Variants in PHF20L1 observed in about 807,000 individuals in gnomAD.
The protein encoded by PHF20L1 is PHD finger protein 20-like protein 1.
Under a neutral mutation model 125.5 loss-of-function variants are expected in PHF20L1, and 44 were observed. The ratio of observed to expected loss-of-function variants is 0.35; its 90% CI spans 0.28 to 0.45. PHF20L1 has a LOEUF of 0.45. Ranked by LOEUF, PHF20L1 falls within the 20% of genes least tolerant of loss-of-function variation. The pLI, the probability that PHF20L1 is intolerant of heterozygous loss-of-function variation, is 1.00. For missense variants in PHF20L1, 1,012 were observed against 1,217.2 expected, an observed-to-expected ratio of 0.83 and a Z score of 2.51; for synonymous variants, 380 against 403.1, an observed-to-expected ratio of 0.94 and a Z score of 0.69.
chr8:132,777,368 A>T (rs1309311549), intron 1 of PHF20L1, among the ~76,000 whole-genome samples: 1 of 152,148 alleles, frequency 6.6e-6, no homozygotes, highest in African/African-American at 2.4e-5. Flanking sequence ...GTTGAAATTA[A>T]AAATTGATTT....
intron 8 of PHF20L1, chr8:132,810,170 G>C (rs1004825272): frequency 6.6e-6 from 1 of 151,188 alleles, no homozygotes; most frequent in Non-Finnish European, 1.5e-5. Flanking sequence ...TCAGCCTCCC[G>C]AGTAGCTTGG....
In PHF20L1 at chr8:132,825,374, A is replaced by G. The variant is rs777414931; in HGVS notation, c.1744+3A>G. ...GAAAAAGAAATCTAAGCAACATGGT[A>G]AGTACACTGAGATGATTATTCCCTC... is the stretch of plus-strand genomic sequence containing the variant. On this transcript the variant is annotated splice_donor_region_variant and intron_variant, in intron 14 of 20. Coordinates refer to ENST00000395386, the MANE Select transcript of PHF20L1 (RefSeq NM_016018.5). 2 of 1,487,612 alleles carry G rather than the reference A, an allele frequency of 1.3e-6. No homozygotes were observed. Among genetic ancestry groups the G allele is most frequent in the Non-Finnish European group, 1.8e-6 (2 of 1,112,856 alleles). 92.2% of individuals were successfully genotyped at this position (1,487,612 alleles called of 1,614,324 possible). A position where few individuals can be genotyped will look rare whatever the true frequency, so the allele number is the denominator to read the frequency against.
intron 6 of PHF20L1, 47 bp from the exon 7 acceptor site, chr8:132,803,772 T>A (rs1563805925): frequency 3.0e-6 from 3 of 1,012,360 alleles, no homozygotes; most frequent in Middle Eastern, 2.1e-4. Flanking sequence ...TAATTACATT[T>A]TAATTAATTT....
In PHF20L1 at chr8:132,791,599, C is replaced by T. The variant is rs537481139; in HGVS notation, c.84-2811C>T. Among the ~76,000 whole-genome samples the T allele has an allele frequency of 5.9e-5, 9 of 152,138 alleles. No individual in the cohort carries two copies. The South Asian group carries it at 1.9e-3, about 32-fold the overall frequency. On this transcript the variant is annotated intron_variant, in intron 2 of 20. Coordinates refer to ENST00000395386, the MANE Select transcript of PHF20L1 (RefSeq NM_016018.5). ...ATGTACCAATAGTGCCTAGCAAGTGCCTTAGTCTTCTTGGATGTTCAAATA... is the reference window on the plus strand; with the variant it reads ...ATGTACCAATAGTGCCTAGCAAGTGTCTTAGTCTTCTTGGATGTTCAAATA...
chr8:132,785,347 G>A (rs1028279036), intron 2 of PHF20L1, among the ~76,000 whole-genome samples: 4 of 152,148 alleles, frequency 2.6e-5, no homozygotes, highest in Admixed American at 2.6e-4. Context: ...CTACTAAAAA[G>A]AATGTTTTGC....
In PHF20L1 at chr8:132,845,926, A is replaced by G. The variant is rs1202540589; in HGVS notation, c.*3A>G. The G allele has an allele frequency of 1.9e-6, 3 of 1,607,692 alleles. No homozygotes were observed. Among genetic ancestry groups the G allele is most frequent in the Non-Finnish European group, 1.7e-6 (2 of 1,175,560 alleles). Reference sequence around the variant, plus strand: ...TAGCAACTCTTTGCTCTGTATGACAACAGTGAACACTTAATGAAAGAATGT... The same window carrying G: ...TAGCAACTCTTTGCTCTGTATGACAGCAGTGAACACTTAATGAAAGAATGT... On this transcript the variant is annotated 3_prime_UTR_variant, in exon 21 of 21. Transcript: ENST00000395386.
intron 16 of PHF20L1, among the ~76,000 whole-genome samples, 163 bp downstream of exon 16, chr8:132,836,884 TAAGTA>T (rs1837414115): frequency 6.6e-6 from 1 of 152,138 alleles, no homozygotes; most frequent in African/African-American, 2.4e-5. Context: ...ATTTCCTCAT[TAAGTA>T]AAGTAGACAA....
intron 2 of PHF20L1, among the ~76,000 whole-genome samples, chr8:132,790,537 C>A (rs1269893572): frequency 2.0e-5 from 3 of 152,142 alleles, no homozygotes; most frequent in African/African-American, 7.2e-5. Context: ...GCTAACAAGT[C>A]CCATCTGATG....
At chr8:132,820,550 A>G (rs1403558415) in intron 12 of PHF20L1, among the ~76,000 whole-genome samples, 2 of 151,918 alleles carry the variant, frequency 1.3e-5, no homozygotes, top group Non-Finnish European at 2.9e-5. Flanking sequence ...TAAAGGAACA[A>G]AAGATTGCCC....
intron 6 of PHF20L1, among the ~76,000 whole-genome samples, chr8:132,802,437 T>C (rs1482634572): frequency 6.6e-6 from 1 of 151,800 alleles, no homozygotes; most frequent in Non-Finnish European, 1.5e-5. Context: ...TTCTCTTCAG[T>C]CAAAATCAAT....
At chr8:132,781,015 A>T (rs115488281) in intron 2 of PHF20L1, among the ~76,000 whole-genome samples, 106 of 151,694 alleles carry the variant, frequency 7.0e-4, no homozygotes, top group African/African-American at 2.5e-3. Flanking sequence ...GGGCTAATTT[A>T]AAAAAAAATT....
chr8:132,785,026 T>C (rs1358555418), intron 2 of PHF20L1, among the ~76,000 whole-genome samples: 2 of 152,178 alleles, frequency 1.3e-5, no homozygotes, highest in Non-Finnish European at 2.9e-5. Context: ...CTTCATCAAT[T>C]TATAATGAGG....
chr8:132,778,003 G>A (rs1038672775), intron 2 of PHF20L1, 92 bp downstream of exon 2: 2 of 782,924 alleles, frequency 2.6e-6, no homozygotes, highest in African/African-American at 1.7e-5. Context: ...GATGGTAGCA[G>A]AAACATCAGT....
chr8:132,839,713 T>A, intron 18 of PHF20L1, 131 bp downstream of exon 18: 1 of 644,410 alleles, frequency 1.6e-6, no homozygotes, highest in African/African-American at 1.8e-5. Flanking sequence ...AAGTTTCATT[T>A]TTAAAAATAA....
chr8:132,833,127 A>G (rs143057491), intron 15 of PHF20L1, among the ~76,000 whole-genome samples: 243 of 152,234 alleles, frequency 1.6e-3, no homozygotes, highest in African/African-American at 5.3e-3. Flanking sequence ...CTCTAATGCA[A>G]TAGCAACCAG....
intron 6 of PHF20L1, among the ~76,000 whole-genome samples, chr8:132,802,302 T>C (rs1833162092): frequency 1.3e-5 from 2 of 151,668 alleles, no homozygotes; most frequent in South Asian, 2.1e-4. Flanking sequence ...GGCCTTTGTT[T>C]AATGTTTTTC....
chr8:132,820,007 AATT>A (rs1169007941), intron 12 of PHF20L1, among the ~76,000 whole-genome samples: 1 of 151,822 alleles, frequency 6.6e-6, no homozygotes, highest in Non-Finnish European at 1.5e-5. Context: ...CAGATAGTCC[AATT>A]ATTATATACA....
At chr8:132,834,128 T>C (rs941271051) in intron 15 of PHF20L1, among the ~76,000 whole-genome samples, 3 of 152,124 alleles carry the variant, frequency 2.0e-5, no homozygotes, top group African/African-American at 7.2e-5. Flanking sequence ...TTTTATTTGC[T>C]TCTTACATAA....
At chr8:132,786,092 G>C (rs1366310303) in intron 2 of PHF20L1, among the ~76,000 whole-genome samples, 1 of 151,998 alleles carries the variant, frequency 6.6e-6, no homozygotes, top group Non-Finnish European at 1.5e-5. Context: ...AACATAAGAT[G>C]ATATTTGTTA....
Sources: gnomAD v4.1 joint callset for allele counts (sites outside exome capture counted in the v4.1 genomes callset) on GRCh38, gnomAD v4.1.1 for gene constraint, MANE v1.5 for transcripts, NCBI Gene and HGNC (gene_info 2026-07-23, HGNC 2026-07-21) for gene names.